The following LRRN1 variants were observed in gnomAD, a reference collection of about 807,000 sequenced individuals.
The protein encoded by LRRN1 is leucine-rich repeat neuronal protein 1.
LRRN1 carries 14 observed loss-of-function variants against 45.8 expected under a neutral mutation model. That is an observed-to-expected ratio of 0.31 (90% CI 0.20 to 0.48). The LOEUF (loss-of-function observed/expected upper bound fraction) is 0.48. LRRN1 is among the 20% of genes least tolerant of loss of function. The pLI is 0.99. For missense variants in LRRN1, 789 were observed against 874.2 expected (o/e 0.90, Z 1.23); for synonymous variants, 359 against 330.1 (o/e 1.09, Z -0.95).
At chr3:3,832,496 A>G (rs1054403128) in intron 1 of LRRN1, among the ~76,000 whole-genome samples, 2 of 152,156 alleles carry the variant, frequency 1.3e-5, no homozygotes, top group Non-Finnish European at 2.9e-5. Context: ...GAGGACCACA[A>G]TGATGTTTTG....
intron 1 of LRRN1, among the ~76,000 whole-genome samples, chr3:3,833,693 G>A (rs977237573): frequency 6.6e-6 from 1 of 152,172 alleles, no homozygotes; most frequent in African/African-American, 2.4e-5. Context: ...AACTGCCTCA[G>A]GAGAGAGGCC....
In LRRN1 at chr3:3,810,167, T is replaced by A. The variant is rs551625278; in HGVS notation, c.-279+10248T>A. Among the ~76,000 whole-genome samples, 11 of 152,336 alleles carry A rather than the reference T, an allele frequency of 7.2e-5. No individual in the cohort carries two copies. In the South Asian group the frequency reaches 2.3e-3, roughly 32 times the overall value. On this transcript the variant is annotated intron_variant, in intron 1 of 1. Coordinates refer to ENST00000319331, the MANE Select transcript of LRRN1 (RefSeq NM_020873.7). ...TCTCTTCTGTATCCCACTCTCTCTT[T>A]TCTCTCTGAAAATATTATAATGCCC...
intron 1 of LRRN1, chr3:3,822,813 C>T (rs946537436): frequency 2.0e-5 from 3 of 152,278 alleles, no homozygotes; most frequent in Non-Finnish European, 4.4e-5. Context: ...AAGGCAGCCA[C>T]TTGATACTGG....
intron 1 of LRRN1, among the ~76,000 whole-genome samples, chr3:3,822,031 G>A (rs546781299): frequency 3.9e-5 from 6 of 152,280 alleles, no homozygotes; most frequent in East Asian, 1.9e-4. Context: ...ATAGAAAAGC[G>A]ATGCGATTTG....
intron 1 of LRRN1, among the ~76,000 whole-genome samples, chr3:3,843,168 T>C (rs1244310165): frequency 6.6e-6 from 1 of 152,236 alleles, no homozygotes; most frequent in Non-Finnish European, 1.5e-5. Flanking sequence ...ACTGTCCTTG[T>C]ATGAGCAACC....
chr3:3,847,841 C>G lies in LRRN1; in HGVS notation c.*1049C>G, dbSNP rs960609077. ...TATTTTAAATAGTACTGACTAGCACCTAATGGGCAGTGGGAGGGTGGTTCA... is the reference window on the plus strand; with the variant it reads ...TATTTTAAATAGTACTGACTAGCACGTAATGGGCAGTGGGAGGGTGGTTCA... On this transcript the variant is annotated 3_prime_UTR_variant, in exon 2 of 2. Coordinates refer to ENST00000319331, the MANE Select transcript of LRRN1 (RefSeq NM_020873.7). 6 of 165,030 alleles carry G rather than the reference C, an allele frequency of 3.6e-5. No homozygotes were observed. In the South Asian group the frequency reaches 1.2e-3, roughly 34 times the overall value. The allele number at this position is 165,030 out of a possible 1,614,324, so 10.2% of individuals were successfully genotyped here.
At chr3:3,844,306 G>C (rs967064024) in intron 1 of LRRN1, 58 bp from the exon 2 acceptor site, 4 of 196,712 alleles carry the variant, frequency 2.0e-5, no homozygotes, top group African/African-American at 9.3e-5. Context: ...CAAAAGAAAG[G>C]CTATAATGTA....
In LRRN1 at chr3:3,845,174, A is replaced by T. The variant is rs1182832240; in HGVS notation, c.533A>T (p.Lys178Ile). 1 of 1,614,180 alleles carries T rather than the reference A, an allele frequency of 6.2e-7. No homozygotes were observed. The highest frequency in any genetic ancestry group is 1.1e-5 in the South Asian group (1 of 91,088). ...NLLRLHLNSN[K>I]LKVIDSRWFD... ...TTAAGGCTCCACCTGAACTCCAACA[A>T]ATTGAAAGTTATTGATAGTCGCTGG... is the stretch of plus-strand genomic sequence containing the variant. Residue 178 changes from lysine (K) to isoleucine (I), a missense_variant, in exon 2 of 2, where the codon AAA (lysine) becomes ATA (isoleucine). Lys to Ile is a moderately radical substitution (Grantham distance 102). Transcript: ENST00000319331. The surrounding 1 kb of genome is among the most constrained non-coding windows in gnomAD (Gnocchi z 6.5).
In LRRN1 at chr3:3,839,469, T is replaced by C. The variant is rs954579746; in HGVS notation, c.-278-4895T>C. On this transcript the variant is annotated intron_variant, in intron 1 of 1. Transcript: ENST00000319331. ...CTTTTTCAGGATTACTTTGGCAATTTAAAATCTCTTGATCTTATATGAATT... is the reference window on the plus strand; with the variant it reads ...CTTTTTCAGGATTACTTTGGCAATTCAAAATCTCTTGATCTTATATGAATT... 2.0e-5 allele frequency among the ~76,000 whole-genome samples: 3 copies of C among 152,316 alleles called. No homozygotes were observed. The South Asian group carries it at 6.2e-4, about 32-fold the overall frequency.
chr3:3,845,177 T>A lies in LRRN1; in HGVS notation c.536T>A (p.Leu179Ter). Residue 179 changes from leucine (L) to a stop codon, truncating the protein, a stop_gained, in exon 2 of 2, where the codon TTG (leucine) becomes TAG (stop). Transcript: ENST00000319331. LOFTEE classifies it high-confidence loss of function. The surrounding 1 kb of genome is among the most constrained non-coding windows in gnomAD (Gnocchi z 6.5). ...LLRLHLNSNK[L>*]KVIDSRWFDS... ...AGGCTCCACCTGAACTCCAACAAAT[T>A]GAAAGTTATTGATAGTCGCTGGTTT... The A allele has an allele frequency of 6.2e-7, 1 of 1,614,088 alleles. No homozygotes were observed. Among genetic ancestry groups the A allele is most frequent in the South Asian group, 1.1e-5 (1 of 91,072 alleles).
intron 1 of LRRN1, among the ~76,000 whole-genome samples, chr3:3,833,272 A>G (rs999659846): frequency 6.6e-6 from 1 of 152,102 alleles, no homozygotes; most frequent in Non-Finnish European, 1.5e-5. Flanking sequence ...TCTACATTAA[A>G]CCAAGGGAGA....
rs200508320 is a variant in LRRN1, at chr3:3,844,664, T to C, written c.23T>C (p.Ile8Thr). 7 of 1,613,022 alleles carry C rather than the reference T, an allele frequency of 4.3e-6. No homozygotes were observed. Among genetic ancestry groups the C allele is most frequent in the East Asian group, 4.5e-5 (2 of 44,836 alleles). The change falls in exon 2 of 2, where the codon ATA becomes ACA. Residue 8 changes from isoleucine (I) to threonine (T), a missense_variant. Ile to Thr is a moderately conservative substitution (Grantham distance 89). Coordinates refer to ENST00000319331, the MANE Select transcript of LRRN1 (RefSeq NM_020873.7). MARMSFV[I>T]AACQLVLGLL... Reference sequence around the variant, plus strand: ...AGCATGGCTAGGATGAGCTTTGTTATAGCAGCTTGCCAATTGGTGCTGGGC... The same window carrying C: ...AGCATGGCTAGGATGAGCTTTGTTACAGCAGCTTGCCAATTGGTGCTGGGC...
At position 3,845,531 on chromosome 3, in the gene LRRN1, T is replaced by G. The variant is rs1559313608; in HGVS notation, c.890T>G (p.Met297Arg). ...LRLKELGINN[M>R]GELVSVDRYA... is the part of the protein sequence containing the mutation. ...TTAAAAGAACTGGGAATCAACAATA[T>G]GGGCGAGCTCGTTTCTGTCGACCGC... is the stretch of plus-strand genomic sequence containing the variant. Residue 297 changes from methionine to arginine, a missense_variant, in exon 2 of 2, where the codon ATG becomes AGG. By Grantham distance (91) the Met-to-Arg change is moderately conservative. Coordinates refer to ENST00000319331, the MANE Select transcript of LRRN1 (RefSeq NM_020873.7). This position sits in a 1 kb window ranked among gnomAD's most constrained non-coding sequence, Gnocchi z 6.5. The G allele has an allele frequency of 1.9e-6, 3 of 1,614,068 alleles. No individual in the cohort carries two copies. Among genetic ancestry groups the G allele is most frequent in the Non-Finnish European group, 1.7e-6 (2 of 1,180,010 alleles).
intron 1 of LRRN1, among the ~76,000 whole-genome samples, chr3:3,834,741 C>G (rs775639899): frequency 9.3e-5 from 14 of 150,930 alleles, no homozygotes; most frequent in East Asian, 2.0e-4. Flanking sequence ...GTCTGATGTT[C>G]GAGGGCAGGA....
chr3:3,831,027 C>T (rs1187616002), intron 1 of LRRN1, among the ~76,000 whole-genome samples: 1 of 152,182 alleles, frequency 6.6e-6, no homozygotes, highest in Non-Finnish European at 1.5e-5. Flanking sequence ...CCACTGACAC[C>T]TCAAGCACCA....
intron 1 of LRRN1, among the ~76,000 whole-genome samples, chr3:3,834,811 G>A (rs1693471836): frequency 6.6e-6 from 1 of 151,390 alleles, no homozygotes; most frequent in African/African-American, 2.4e-5. Flanking sequence ...TTCTTTTCAT[G>A]TTTTTCTGCC....
chr3:3,815,577 A>T (rs1692970869), intron 1 of LRRN1, among the ~76,000 whole-genome samples: 1 of 152,194 alleles, frequency 6.6e-6, no homozygotes, highest in African/African-American at 2.4e-5. Flanking sequence ...AAGTGAAAAT[A>T]AACTAACTAC....
chr3:3,824,916 TC>T (rs1288921108), intron 1 of LRRN1, among the ~76,000 whole-genome samples: 1 of 152,116 alleles, frequency 6.6e-6, no homozygotes, highest in Non-Finnish European at 1.5e-5. Flanking sequence ...TGTAGATGTG[TC>T]CTGTGATCTG....
At chr3:3,811,489 G>A (rs557291787) in intron 1 of LRRN1, among the ~76,000 whole-genome samples, 2 of 152,156 alleles carry the variant, frequency 1.3e-5, no homozygotes, top group Non-Finnish European at 2.9e-5. Context: ...AGGGGCTTCC[G>A]TATCATATGT....
Sources: gnomAD v4.1 joint callset for allele counts (sites outside exome capture counted in the v4.1 genomes callset) on GRCh38, gnomAD v4.1.1 for gene constraint, Gnocchi (gnomAD v3.1) non-coding constraint, MANE v1.5 for transcripts, NCBI Gene and HGNC (gene_info 2026-07-23, HGNC 2026-07-21) for gene names.